NUAK1: variants seen among roughly 807,000 people sequenced by gnomAD.
NUAK1 encodes NUAK family SNF1-like kinase 1.
A neutral mutation model predicts 56.9 loss-of-function variants in NUAK1; 26 were observed. The ratio of observed to expected loss-of-function variants is 0.46; its 90% confidence interval spans 0.33 to 0.63. NUAK1 has a LOEUF of 0.63. NUAK1 is among the 30% of genes least tolerant of loss of function. NUAK1 has a pLI of 0.02. For synonymous variants in NUAK1, 337 were observed against 336.0 expected, an observed-to-expected ratio of 1.00 and a Z score of -0.03; for missense variants, 727 against 876.1, an observed-to-expected ratio of 0.83 and a Z score of 2.15.
In NUAK1 at chr12:106,138,372, C is replaced by A. The variant is rs1006654914; in HGVS notation, c.240+42G>T. The A allele has an allele frequency of 6.4e-7, 1 of 1,560,046 alleles. No individual in the cohort carries two copies. Among genetic ancestry groups the A allele is most frequent in the Non-Finnish European group, 8.6e-7 (1 of 1,158,394 alleles). On this transcript the variant is annotated intron_variant, in intron 1 of 6. Transcript: ENST00000261402. This position sits in a 1 kb window ranked among gnomAD's most constrained non-coding sequence, Gnocchi z 5.0. ...GCACGCCCTCAGTCCCCGGCCGCGT[C>A]CACCCAGCGCCCCCCGCACCCTCCA...
At chr12:106,126,037 A>G (rs2033022023) in intron 1 of NUAK1, among the ~76,000 whole-genome samples, 1 of 152,218 alleles carries the variant, frequency 6.6e-6, no homozygotes, top group Admixed American at 6.5e-5. Flanking sequence ...CATCTGTCTT[A>G]ATTGATACTG....
intron 2 of NUAK1, among the ~76,000 whole-genome samples, chr12:106,100,504 T>C (rs964436986): frequency 2.6e-5 from 4 of 152,210 alleles, no homozygotes; most frequent in African/African-American, 9.6e-5. Flanking sequence ...AGCTCAAGGC[T>C]CAGTCCGAAA....
At position 106,083,851 on chromosome 12, in the gene NUAK1, G is replaced by A. The variant is rs369430834; in HGVS notation, c.579+13C>T. ...CAGGCCCTGCATATCAATCGACGAC[G>A]CAAGGGCTTTACCTTAATATTGCAG... On this transcript the variant is annotated intron_variant, in intron 4 of 6. Transcript: ENST00000261402. 142 of 1,612,786 alleles carry A rather than the reference G, an allele frequency of 8.8e-5. No homozygotes were observed. Among genetic ancestry groups the A allele is most frequent in the Non-Finnish European group, 1.0e-4 (120 of 1,178,938 alleles).
chr12:106,128,115 A>G (rs889261399), intron 1 of NUAK1, among the ~76,000 whole-genome samples: 5 of 151,190 alleles, frequency 3.3e-5, no homozygotes, highest in Non-Finnish European at 5.9e-5. Flanking sequence ...CCTAGCTCCA[A>G]ATTCTCTCTT....
Position 106,094,195 on chromosome 12 carries a change from C to T in NUAK1, c.362-7310G>A, listed in dbSNP as rs147724007. Among the ~76,000 whole-genome samples the T allele has an allele frequency of 2.6e-3, 402 of 152,236 alleles. 2 individuals are homozygous for T. The highest frequency in any genetic ancestry group is 3.5e-3 in the Non-Finnish European group (239 of 68,018). ...CCACACCTTTGCCTTCCATCAGGTC[C>T]GTCTCCTAGGTGACAACCAGGGTGC... On this transcript the variant is annotated intron_variant, in intron 2 of 6. Coordinates refer to ENST00000261402, the MANE Select transcript of NUAK1 (RefSeq NM_014840.3).
intron 2 of NUAK1, among the ~76,000 whole-genome samples, chr12:106,101,108 T>G (rs1592855624): frequency 6.6e-6 from 1 of 152,192 alleles, no homozygotes. Context: ...GCTCACAGAC[T>G]GGGGTCCCAC....
Position 106,138,588 on chromosome 12 carries a change from A to T in NUAK1, c.66T>A (p.Ser22=), listed in dbSNP as rs1452905897. 3.1e-6 allele frequency: 5 copies of T among 1,588,664 alleles called. No individual in the cohort carries two copies. The highest frequency in any genetic ancestry group is 4.3e-6 in the Non-Finnish European group (5 of 1,174,196). ...RPDLGLGAPG[S]PREAVAGATA... is the part of the protein sequence containing the mutation. Reference sequence around the variant, plus strand: ...TCGCCCCCGCCACCGCCTCTCGGGGAGAGCCCGGCGCCCCCAGCCCCAAGT... The same window carrying T: ...TCGCCCCCGCCACCGCCTCTCGGGGTGAGCCCGGCGCCCCCAGCCCCAAGT... Residue 22 remains serine, a synonymous_variant, in exon 1 of 7, where the codon TCT becomes TCA. Coordinates refer to ENST00000261402, the MANE Select transcript of NUAK1 (RefSeq NM_014840.3). This position sits in a 1 kb window ranked among gnomAD's most constrained non-coding sequence, Gnocchi z 5.0.
chr12:106,098,783 G>T (rs772443273), intron 2 of NUAK1, among the ~76,000 whole-genome samples: 1 of 152,186 alleles, frequency 6.6e-6, no homozygotes, highest in African/African-American at 2.4e-5. Flanking sequence ...CTTTCAAAGG[G>T]GAAGTGGGGG....
At chr12:106,070,951 C>T in intron 5 of NUAK1, 45 bp from the exon 6 acceptor site, 1 of 1,609,378 alleles carries the variant, frequency 6.2e-7, no homozygotes, top group South Asian at 1.1e-5. Flanking sequence ...GGAAACAGAT[C>T]CCAAGATGCC....
At chr12:106,094,727 T>A (rs1387452421) in intron 2 of NUAK1, among the ~76,000 whole-genome samples, 1 of 152,194 alleles carries the variant, frequency 6.6e-6, no homozygotes, top group East Asian at 1.9e-4. Context: ...GGCCACCCAC[T>A]GCCAGAAGTG....
chr12:106,078,913 G>A (rs908983564), intron 4 of NUAK1, among the ~76,000 whole-genome samples: 2 of 152,234 alleles, frequency 1.3e-5, no homozygotes, highest in African/African-American at 4.8e-5. Context: ...GTCTCTCGCA[G>A]TGATAGCTGT....
intron 3 of NUAK1, among the ~76,000 whole-genome samples, chr12:106,084,319 G>C (rs909852265): frequency 6.6e-6 from 1 of 152,214 alleles, no homozygotes. Flanking sequence ...TTTCTCTACT[G>C]GGGACTCAAG....
intron 1 of NUAK1, among the ~76,000 whole-genome samples, chr12:106,122,110 G>A (rs1399149555): frequency 6.6e-6 from 1 of 152,158 alleles, no homozygotes; most frequent in Non-Finnish European, 1.5e-5. Context: ...AGGCCCAAGG[G>A]AATGTCCATT....
chr12:106,099,043 A>G (rs536034385), intron 2 of NUAK1, among the ~76,000 whole-genome samples: 1 of 152,184 alleles, frequency 6.6e-6, no homozygotes, highest in Non-Finnish European at 1.5e-5. Flanking sequence ...GGCTTTCCTT[A>G]GTATCACACA....
intron 3 of NUAK1, among the ~76,000 whole-genome samples, chr12:106,084,270 C>A (rs1377239050): frequency 3.3e-5 from 5 of 152,212 alleles, no homozygotes; most frequent in African/African-American, 9.6e-5. Flanking sequence ...CAGCAGCAAA[C>A]AATGTCTGTC....
At chr12:106,086,301 A>G (rs2032569955) in intron 3 of NUAK1, among the ~76,000 whole-genome samples, 1 of 152,202 alleles carries the variant, frequency 6.6e-6, no homozygotes, top group African/African-American at 2.4e-5. Context: ...ACGATGTAAA[A>G]ATGAATCCAC....
intron 1 of NUAK1, among the ~76,000 whole-genome samples, chr12:106,123,666 G>A (rs1041081287): frequency 3.3e-5 from 5 of 152,268 alleles, no homozygotes; most frequent in South Asian, 2.1e-4. Flanking sequence ...GGTCAGGTAC[G>A]AGGCATTGTG....
intron 4 of NUAK1, among the ~76,000 whole-genome samples, chr12:106,075,318 C>CACACAGAG (rs142856878): frequency 5.0e-4 from 73 of 146,858 alleles, no homozygotes; most frequent in South Asian, 2.7e-3. Context: ...CACACACACA[C>CACACAGAG]AGAGAGAGAG....
At chr12:106,109,320 C>T (rs572369110) in intron 1 of NUAK1, among the ~76,000 whole-genome samples, 4 of 152,316 alleles carry the variant, frequency 2.6e-5, no homozygotes, top group Admixed American at 6.5e-5. Flanking sequence ...TGCCAGGGAT[C>T]TTTGCACCCT....
Sources: gnomAD v4.1 joint callset for allele counts (sites outside exome capture counted in the v4.1 genomes callset) on GRCh38, gnomAD v4.1.1 for gene constraint, Gnocchi (gnomAD v3.1) non-coding constraint, MANE v1.5 for transcripts, NCBI Gene and HGNC (gene_info 2026-07-23, HGNC 2026-07-21) for gene names.